Variants in INTS7 observed in about 807,000 individuals in gnomAD.
The protein encoded by INTS7 is chromosome 1 open reading frame 73.
A neutral mutation model predicts 109.2 loss-of-function variants in INTS7; 46 were observed. The observed-to-expected ratio is 0.42, with a 90% CI of 0.33 to 0.54. The LOEUF is 0.54. Among genes scored for constraint, INTS7 ranks in the 20% least tolerant of loss-of-function variants. INTS7 has a pLI of 0.07. For missense variants in INTS7, 929 were observed against 1,132.4 expected (o/e 0.82, Z 2.58); for synonymous variants, 412 against 402.9 (o/e 1.02, Z -0.27).
At chr1:211,974,077 T>A (rs1303436846) in intron 13 of INTS7, among the ~76,000 whole-genome samples, 1 of 152,028 alleles carries the variant, frequency 6.6e-6, no homozygotes, top group Non-Finnish European at 1.5e-5. Flanking sequence ...ATTAATTCCA[T>A]CTGCCTCACA....
At position 211,967,937 on chromosome 1, in the gene INTS7, A is replaced by G; in HGVS notation, c.2055T>C (p.Tyr685=). ...CAAAAGATGCCTGGTAAAGATCTCCATATCGAGAAGCAAGGCTTCGAAATT... is the reference window on the plus strand; with the variant it reads ...CAAAAGATGCCTGGTAAAGATCTCCGTATCGAGAAGCAAGGCTTCGAAATT... ...MEEFRSLASR[Y]GDLYQASFDA... The change falls in exon 15 of 20, where the codon TAT becomes TAC. Residue 685 remains tyrosine, a synonymous_variant. Coordinates refer to ENST00000366994, the MANE Select transcript of INTS7 (RefSeq NM_015434.4). 1 of 1,609,446 alleles carries G rather than the reference A, an allele frequency of 6.2e-7. No homozygotes were observed. Among genetic ancestry groups the G allele is most frequent in the Non-Finnish European group, 8.5e-7 (1 of 1,177,904 alleles).
At chr1:211,968,484 T>TA in intron 14 of INTS7, 29 bp downstream of exon 14, 1 of 1,582,382 alleles carries the variant, frequency 6.3e-7, no homozygotes, top group Non-Finnish European at 8.6e-7. Flanking sequence ...AAAGTGTAAA[T>TA]AAAAAATGCA....
intron 1 of INTS7, among the ~76,000 whole-genome samples, chr1:212,025,288 C>T (rs543362977): frequency 2.6e-5 from 4 of 152,038 alleles, no homozygotes; most frequent in Non-Finnish European, 4.4e-5. Context: ...AGAGGCAAAA[C>T]TATAGGGATA....
intron 1 of INTS7, chr1:212,025,509 A>G (rs547657977): frequency 3.9e-5 from 6 of 152,188 alleles, no homozygotes; most frequent in African/African-American, 1.4e-4. Context: ...ACCAAGAAAA[A>G]AGAGTTAATA....
At chr1:211,980,723 G>C (rs1014040393) in intron 10 of INTS7, among the ~76,000 whole-genome samples, 4 of 144,262 alleles carry the variant, frequency 2.8e-5, no homozygotes, top group Non-Finnish European at 4.6e-5. Context: ...ATAGGCATGA[G>C]AGCCACTGTC....
chr1:211,956,872 T>C (rs1663386968), intron 16 of INTS7, among the ~76,000 whole-genome samples: 1 of 152,230 alleles, frequency 6.6e-6, no homozygotes, highest in Admixed American at 6.5e-5. Context: ...TTACTATGAA[T>C]AAAGATGCTA....
At chr1:211,955,545 C>T (rs1202875754) in intron 16 of INTS7, among the ~76,000 whole-genome samples, 1 of 152,076 alleles carries the variant, frequency 6.6e-6, no homozygotes. Flanking sequence ...ATCGATAGCT[C>T]TTATTATTTT....
chr1:211,958,448 A>C (rs1414854194), intron 16 of INTS7, among the ~76,000 whole-genome samples: 1 of 151,734 alleles, frequency 6.6e-6, no homozygotes, highest in Non-Finnish European at 1.5e-5. Context: ...TCTTTAAAAA[A>C]TTTTTCTCTT....
intron 14 of INTS7, among the ~76,000 whole-genome samples, chr1:211,968,240 C>T (rs1663999410): frequency 6.6e-6 from 1 of 152,110 alleles, no homozygotes; most frequent in Non-Finnish European, 1.5e-5. Context: ...TCTTCAAGTT[C>T]CACTAAAATA....
At chr1:212,025,707 T>C (rs527818742) in intron 1 of INTS7, 228 of 158,804 alleles carry the variant, frequency 1.4e-3, no homozygotes, top group Non-Finnish European at 2.7e-3. Flanking sequence ...AAAAAAAAAT[T>C]CACTAAGAAT....
rs528111846 is a variant in INTS7, at chr1:211,962,909, C to T, written c.2183+3521G>A. Among the ~76,000 whole-genome samples, 3 of 152,226 alleles carry T rather than the reference C, an allele frequency of 2.0e-5. No individual in the cohort carries two copies. The South Asian group carries it at 6.2e-4, about 32-fold the overall frequency. On this transcript the variant is annotated intron_variant, in intron 16 of 19. Coordinates refer to ENST00000366994, the MANE Select transcript of INTS7 (RefSeq NM_015434.4). ...GGAAATGTACAGCACTAAACACCTA[C>T]ATCAAAAAGTTAGAAAGACCTCAAT...
At chr1:211,984,693 G>A (rs1164047218) in intron 8 of INTS7, among the ~76,000 whole-genome samples, 1 of 152,152 alleles carries the variant, frequency 6.6e-6, no homozygotes, top group East Asian at 1.9e-4. Flanking sequence ...GCTAGTGAGA[G>A]AAAAGTTTTC....
chr1:211,962,747 T>G (rs1663696625), intron 16 of INTS7, among the ~76,000 whole-genome samples: 1 of 152,062 alleles, frequency 6.6e-6, no homozygotes, highest in Non-Finnish European at 1.5e-5. Flanking sequence ...TACAATTACA[T>G]GGAAATTAAA....
At position 211,982,665 on chromosome 1, in the gene INTS7, A is replaced by G; in HGVS notation, c.1132+11T>C. ...AAGTTTATACGTAATATCAGTCCTG[A>G]TCAAACTTACCCTTTTCTTGACAAG... On this transcript the variant is annotated intron_variant, in intron 9 of 19. Transcript: ENST00000366994. 3 of 1,595,808 alleles carry G rather than the reference A, an allele frequency of 1.9e-6. No homozygotes were observed. Among genetic ancestry groups the G allele is most frequent in the South Asian group, 2.3e-5 (2 of 87,386 alleles).
chr1:211,954,384 G>A (rs1394718637), intron 16 of INTS7, among the ~76,000 whole-genome samples: 2 of 152,212 alleles, frequency 1.3e-5, no homozygotes, highest in African/African-American at 4.8e-5. Context: ...TTGCTGTGCA[G>A]AAGCTCTTTA....
At chr1:212,020,016 A>C (rs1445717441) in intron 3 of INTS7, 106 bp downstream of exon 3, 2 of 791,588 alleles carry the variant, frequency 2.5e-6, no homozygotes, top group Non-Finnish European at 3.7e-6. Context: ...AAAAAAACAT[A>C]AACAACTCCT....
chr1:212,011,491 A>T, intron 4 of INTS7, 70 bp from the exon 5 acceptor site: 1 of 939,700 alleles, frequency 1.1e-6, no homozygotes, highest in Non-Finnish European at 1.7e-6. Context: ...CTTAAAAGAA[A>T]TAAAACACAA....
chr1:211,948,373 G>A (rs947614295), intron 17 of INTS7, among the ~76,000 whole-genome samples: 4 of 152,220 alleles, frequency 2.6e-5, no homozygotes, highest in South Asian at 4.1e-4. Flanking sequence ...CCTGCAACAA[G>A]TAATTTGGAA....
At chr1:212,033,099 T>C (rs1032830566) in intron 1 of INTS7, among the ~76,000 whole-genome samples, 1 of 152,208 alleles carries the variant, frequency 6.6e-6, no homozygotes, top group Non-Finnish European at 1.5e-5. Context: ...GCCATGTTCC[T>C]AGTACAAAGC....
Sources: gnomAD v4.1 joint callset for allele counts (sites outside exome capture counted in the v4.1 genomes callset) on GRCh38, gnomAD v4.1.1 for gene constraint, MANE v1.5 for transcripts, NCBI Gene and HGNC (gene_info 2026-07-23, HGNC 2026-07-21) for gene names.